CEP170: variants seen among roughly 807,000 people sequenced by gnomAD.
CEP170 encodes the protein centrosomal protein of 170 kDa.
In CEP170, 21 loss-of-function variants were observed where a neutral mutation model predicts 151.9. That is an observed-to-expected ratio of 0.14 (90% CI 0.10 to 0.20). CEP170 has a LOEUF of 0.20. Ranked by LOEUF, CEP170 falls within the 10% of genes least tolerant of loss-of-function variation. The pLI, the probability that CEP170 is intolerant of heterozygous loss-of-function variation, is 1.00. For missense variants in CEP170, 964 were observed against 1,892.9 expected (o/e 0.51, Z 9.11); for synonymous variants, 356 against 648.8 (o/e 0.55, Z 6.86).
At position 243,181,818 on chromosome 1, in the gene CEP170, A is replaced by G. The variant is rs745606685; in HGVS notation, c.1566+3961T>C. ...TTTGGTTTTCTCTTATTCCTGTTAC[A>G]TATTTTTCAGTTTCCTTTGTTCCCC... On this transcript the variant is annotated intron_variant, in intron 10 of 19. Transcript: ENST00000366542. Among the ~76,000 whole-genome samples, 10 of 152,130 alleles carry G rather than the reference A, an allele frequency of 6.6e-5. No homozygotes were observed. The East Asian group carries it at 1.3e-3, about 20-fold the overall frequency.
intron 1 of CEP170, among the ~76,000 whole-genome samples, chr1:243,251,497 A>G (rs1007171838): frequency 6.6e-6 from 1 of 152,220 alleles, no homozygotes; most frequent in Admixed American, 6.5e-5. Flanking sequence ...ATGTGTAAAA[A>G]TAATACCTTA....
chr1:243,234,974 CTTCAAG>C (rs777077262), intron 1 of CEP170, among the ~76,000 whole-genome samples: 9 of 152,110 alleles, frequency 5.9e-5, no homozygotes, highest in Non-Finnish European at 1.0e-4. Context: ...TACAAAAATT[CTTCAAG>C]TTCGAGAAAA....
chr1:243,127,362 G>A (rs992969926), intron 19 of CEP170, among the ~76,000 whole-genome samples: 2 of 152,176 alleles, frequency 1.3e-5, no homozygotes, highest in Admixed American at 1.3e-4. Flanking sequence ...TCAGCTTTCA[G>A]TCCAAAAGAT....
At chr1:243,223,083 C>T (rs1175613892) in intron 2 of CEP170, among the ~76,000 whole-genome samples, 1 of 152,196 alleles carries the variant, frequency 6.6e-6, no homozygotes, top group Non-Finnish European at 1.5e-5. Context: ...CAACAACGCA[C>T]CACTCAGCAA....
chr1:243,224,028 T>C (rs1355266405), intron 2 of CEP170, among the ~76,000 whole-genome samples: 2 of 152,160 alleles, frequency 1.3e-5, no homozygotes, highest in African/African-American at 2.4e-5. Flanking sequence ...GTAATGGATA[T>C]CTAACCACTT....
intron 10 of CEP170, among the ~76,000 whole-genome samples, chr1:243,177,256 A>T (rs10803121): frequency 0.41 from 62,606 of 152,128 alleles, 14,885 homozygotes; most frequent in Middle Eastern, 0.52. Flanking sequence ...AAACTATAGT[A>T]ATACAATGTA....
chr1:243,192,627 C>T (rs1267459333), intron 7 of CEP170, among the ~76,000 whole-genome samples: 1 of 152,180 alleles, frequency 6.6e-6, no homozygotes, highest in African/African-American at 2.4e-5. Flanking sequence ...CAAGGCAATA[C>T]AGGGAGACTA....
rs181435727 is a variant in CEP170 at position 243,157,533 on chromosome 1, G to A, written c.3677-1078C>T. Among the ~76,000 whole-genome samples the A allele has an allele frequency of 9.9e-3, 1,500 of 152,220 alleles. 9 individuals carry two copies. The highest frequency in any genetic ancestry group is 0.014 in the Non-Finnish European group (984 of 68,008). ...TTTGAAAAAAATGTAAGAATTCCTGGATGTAAACATTTACTTTTCCGAAAC... is the reference window on the plus strand; with the variant it reads ...TTTGAAAAAAATGTAAGAATTCCTGAATGTAAACATTTACTTTTCCGAAAC... On this transcript the variant is annotated intron_variant, in intron 13 of 19. Coordinates refer to ENST00000366542, the MANE Select transcript of CEP170 (RefSeq NM_014812.3).
intron 14 of CEP170, among the ~76,000 whole-genome samples, chr1:243,153,470 C>G (rs1244832128): frequency 6.6e-6 from 1 of 152,182 alleles, no homozygotes; most frequent in Non-Finnish European, 1.5e-5. Context: ...TGGCAGACTT[C>G]ACTGTTGTCT....
At chr1:243,167,097 T>C (rs1222470300) in intron 12 of CEP170, among the ~76,000 whole-genome samples, 1 of 152,148 alleles carries the variant, frequency 6.6e-6, no homozygotes, top group East Asian at 1.9e-4. Context: ...CCAGAATCTA[T>C]TGTAGATTTA....
intron 3 of CEP170, among the ~76,000 whole-genome samples, chr1:243,216,403 G>C (rs1390215547): frequency 2.1e-5 from 3 of 140,592 alleles, no homozygotes; most frequent in African/African-American, 8.1e-5. Context: ...CCCTTCCTGT[G>C]TCCATGTGTT....
chr1:243,125,684 G>A lies in CEP170; in HGVS notation c.*765C>T, dbSNP rs928733298. ...AAAAAATGAAAAAAAGTGCCAAATT[G>A]ATCTTTTTGAAAGTGGAGTAAAACA... On this transcript the variant is annotated 3_prime_UTR_variant, in exon 20 of 20. Transcript: ENST00000366542. The A allele has an allele frequency of 1.9e-5, 3 of 154,152 alleles. No individual in the cohort carries two copies. The highest frequency in any genetic ancestry group is 4.8e-5 in the African/African-American group (2 of 41,278). The allele number at this position is 154,152 out of a possible 1,614,324, so 9.5% of individuals were successfully genotyped here.
intron 14 of CEP170, among the ~76,000 whole-genome samples, chr1:243,155,057 A>C (rs185517356): frequency 1.3e-5 from 2 of 152,308 alleles, no homozygotes; most frequent in Admixed American, 1.3e-4. Context: ...TTGTTGGCCC[A>C]TAATGATCCA....
intron 1 of CEP170, among the ~76,000 whole-genome samples, chr1:243,238,731 C>G (rs1284385769): frequency 6.6e-6 from 1 of 152,158 alleles, no homozygotes; most frequent in East Asian, 1.9e-4. Flanking sequence ...TATAACAGAA[C>G]TCAGTCCACA....
intron 10 of CEP170, among the ~76,000 whole-genome samples, chr1:243,184,479 A>G (rs1286535937): frequency 6.6e-6 from 1 of 151,752 alleles, no homozygotes; most frequent in Non-Finnish European, 1.5e-5. Flanking sequence ...TATACTTTTC[A>G]TATTAACAAC....
intron 10 of CEP170, among the ~76,000 whole-genome samples, chr1:243,173,307 G>T (rs1245527132): frequency 6.6e-6 from 1 of 151,630 alleles, no homozygotes; most frequent in Non-Finnish European, 1.5e-5. Context: ...TGATCTGCCC[G>T]CCTCGGCCTC....
At chr1:243,148,064 A>T (rs1234264019) in intron 14 of CEP170, among the ~76,000 whole-genome samples, 1 of 151,968 alleles carries the variant, frequency 6.6e-6, no homozygotes, top group African/African-American at 2.4e-5. Flanking sequence ...CTGTAGTCCC[A>T]GCTACTCGGG....
At chr1:243,218,482 G>A (rs541958665) in intron 3 of CEP170, among the ~76,000 whole-genome samples, 4 of 152,202 alleles carry the variant, frequency 2.6e-5, no homozygotes, top group African/African-American at 9.7e-5. Context: ...CAACGGAACC[G>A]ACTGTAGCTT....
At chr1:243,225,992 T>TATAC (rs1558644787) in intron 1 of CEP170, among the ~76,000 whole-genome samples, 3 of 147,854 alleles carry the variant, frequency 2.0e-5, no homozygotes, top group Non-Finnish European at 3.0e-5. Flanking sequence ...TCTATATATA[T>TATAC]ACACGTATAT....
Sources: gnomAD v4.1 joint callset for allele counts (sites outside exome capture counted in the v4.1 genomes callset) on GRCh38, gnomAD v4.1.1 for gene constraint, MANE v1.5 for transcripts, NCBI Gene and HGNC (gene_info 2026-07-23, HGNC 2026-07-21) for gene names.